The following MIGA2 variants were observed in gnomAD, a reference collection of about 807,000 sequenced individuals.
The protein encoded by MIGA2 is family with sequence similarity 73, member B.
Under a neutral mutation model 69.9 loss-of-function variants are expected in MIGA2, and 36 were observed. That is an observed-to-expected ratio of 0.52 (90% CI 0.39 to 0.68). The LOEUF is 0.68. Ranked by LOEUF, MIGA2 falls within the 30% of genes least tolerant of loss-of-function variation. The probability of loss-of-function intolerance (pLI) is 0.00; values close to 1 mark genes in which losing one functional copy is unlikely to be tolerated. For missense variants in MIGA2, 660 were observed against 787.7 expected, an observed-to-expected ratio of 0.84 and a Z score of 1.94; for synonymous variants, 333 against 349.2, an observed-to-expected ratio of 0.95 and a Z score of 0.52.
intron 9 of MIGA2, among the ~76,000 whole-genome samples, chr9:129,062,510 C>G (rs1846117456): frequency 8.3e-6 from 1 of 120,818 alleles, no homozygotes; most frequent in Admixed American, 1.0e-4. Flanking sequence ...CTAGCCTGGG[C>G]AACAGAGCGA....
chr9:129,045,683 G>A (rs1394852126), intron 3 of MIGA2, among the ~76,000 whole-genome samples: 1 of 151,832 alleles, frequency 6.6e-6, no homozygotes, highest in Non-Finnish European at 1.5e-5. Context: ...GGAGGCAGGA[G>A]GATTGTTTGA....
chr9:129,042,448 G>A lies in MIGA2; in HGVS notation c.241G>A (p.Gly81Arg), dbSNP rs766813169. The change falls in exon 3 of 16, where the codon GGG becomes AGG. Residue 81 changes from glycine (G) to arginine (R), a missense_variant. This residue lies in a region of MIGA2 where 386 missense variants were observed against 402.0 expected (regional missense o/e 0.96). Coordinates refer to ENST00000684074, the MANE Select transcript of MIGA2 (RefSeq NM_001329990.2). ...RKKQVGPEMG[G>R]EQLGTVPLPI... is the part of the protein sequence containing the mutation. ...GAAGCAGGTTGGTCCCGAGATGGGA[G>A]GGGAGCAGCTGGGCACGGTGCCCCT... The A allele has an allele frequency of 5.0e-6, 8 of 1,610,994 alleles. No individual in the cohort carries two copies. The highest frequency in any genetic ancestry group is 3.4e-5 in the Admixed American group (2 of 59,642).
Position 129,040,589 on chromosome 9 carries a change from C to T in MIGA2, c.-6C>T, listed in dbSNP as rs1176588922. ...TGAGGACTTTGCCTGGGGCATTGGCCCTGCCATGGCGTTCCGGAGGGCCGA... is the reference window on the plus strand; with the variant it reads ...TGAGGACTTTGCCTGGGGCATTGGCTCTGCCATGGCGTTCCGGAGGGCCGA... On this transcript the variant is annotated 5_prime_UTR_variant, in exon 2 of 16. Transcript: ENST00000684074. The T allele has an allele frequency of 1.2e-6, 2 of 1,609,246 alleles. No homozygotes were observed. Among genetic ancestry groups the T allele is most frequent in the Non-Finnish European group, 1.7e-6 (2 of 1,176,716 alleles).
chr9:129,051,948 CTG>C (rs760268895), intron 6 of MIGA2, among the ~76,000 whole-genome samples: 6 of 151,940 alleles, frequency 3.9e-5, no homozygotes, highest in Non-Finnish European at 7.4e-5. Flanking sequence ...GCCTCAGCCT[CTG>C]GAGTAGCTGG....
At chr9:129,039,105 C>T (rs1476078758) in intron 1 of MIGA2, among the ~76,000 whole-genome samples, 1 of 149,834 alleles carries the variant, frequency 6.7e-6, no homozygotes, top group East Asian at 2.0e-4. Context: ...TCACAAAATT[C>T]TAATGATTCA....
chr9:129,043,785 C>T (rs1339082879), intron 3 of MIGA2, among the ~76,000 whole-genome samples: 6 of 152,040 alleles, frequency 3.9e-5, no homozygotes, highest in Non-Finnish European at 5.9e-5. Context: ...ACTGCAACCT[C>T]TGCATCCCGG....
chr9:129,069,239 C>A lies in MIGA2; in HGVS notation c.1458+110C>A. ...TGGGCCACTTGGCCTTCACCGCTCA[C>A]AGTCCTGGCCCCCTTGTTCCGCCGT... is the stretch of plus-strand genomic sequence containing the variant. On this transcript the variant is annotated intron_variant, in intron 14 of 15. Coordinates refer to ENST00000684074, the MANE Select transcript of MIGA2 (RefSeq NM_001329990.2). The surrounding 1 kb of genome is among the most constrained non-coding windows in gnomAD (Gnocchi z 4.9). 7.4e-7 allele frequency: 1 copy of A among 1,348,502 alleles called. No individual in the cohort carries two copies. The highest frequency in any genetic ancestry group is 1.1e-6 in the Non-Finnish European group (1 of 950,520). The allele number at this position is 1,348,502 out of a possible 1,614,324, so 83.5% of individuals were successfully genotyped here.
chr9:129,044,563 T>C (rs1022707851), intron 3 of MIGA2, among the ~76,000 whole-genome samples: 1 of 151,528 alleles, frequency 6.6e-6, no homozygotes, highest in African/African-American at 2.4e-5. Flanking sequence ...GGGAGACTTG[T>C]TTTTTTTGAA....
chr9:129,067,135 CAAA>C (rs774512522), intron 11 of MIGA2, among the ~76,000 whole-genome samples: 3 of 52,010 alleles, frequency 5.8e-5, no homozygotes, highest in Non-Finnish European at 3.9e-5. Flanking sequence ...GACTCCATCT[CAAA>C]AAAAAAAAAA....
intron 6 of MIGA2, among the ~76,000 whole-genome samples, chr9:129,052,993 A>G (rs989604611): frequency 2.6e-5 from 4 of 152,332 alleles, no homozygotes; most frequent in East Asian, 1.9e-4. Context: ...GCTAAAAACT[A>G]TATCTGAAAA....
rs977053716 is a variant in MIGA2 at position 129,060,852 on chromosome 9, G to A, written c.894+202G>A. ...GGCTGTTGTCCTGTGGGTGAGAGCA[G>A]GGGTTCCACCCCGAAGGGCTCCAGC... On this transcript the variant is annotated intron_variant, in intron 8 of 15. Transcript: ENST00000684074. The surrounding 1 kb of genome is among the most constrained non-coding windows in gnomAD (Gnocchi z 4.8). 6.6e-6 allele frequency among the ~76,000 whole-genome samples: 1 copy of A among 152,218 alleles called. No homozygotes were observed. Among genetic ancestry groups the A allele is most frequent in the African/African-American group, 2.4e-5 (1 of 41,464 alleles).
At chr9:129,048,746 G>A (rs367758191) in intron 4 of MIGA2, among the ~76,000 whole-genome samples, 1 of 152,194 alleles carries the variant, frequency 6.6e-6, no homozygotes, top group South Asian at 2.1e-4. Context: ...GCAGAGGAGA[G>A]AAACTGATGG....
intron 2 of MIGA2, 123 bp downstream of exon 2, chr9:129,040,813 C>T (rs569169396): frequency 1.1e-4 from 86 of 776,010 alleles, no homozygotes; most frequent in African/African-American, 1.1e-3. Context: ...GGTGTCTCCT[C>T]TTTGGACTGG....
chr9:129,040,502 G>T lies in MIGA2; in HGVS notation c.-93G>T. 6.7e-7 allele frequency: 1 copy of T among 1,494,416 alleles called. No individual in the cohort carries two copies. The highest frequency in any genetic ancestry group is 9.0e-7 in the Non-Finnish European group (1 of 1,112,122). 92.6% of individuals were successfully genotyped at this position (1,494,416 alleles called of 1,614,324 possible). On this transcript the variant is annotated 5_prime_UTR_variant, in exon 2 of 16. Transcript: ENST00000684074. ...TGTGTCCCTGTCCTTCTGGGGCGTG[G>T]ATGGTGCCTGGGACCCAGCTGGCAA...
intron 11 of MIGA2, among the ~76,000 whole-genome samples, chr9:129,064,087 C>T (rs1846208904): frequency 6.6e-6 from 1 of 152,192 alleles, no homozygotes; most frequent in Admixed American, 6.5e-5. Flanking sequence ...AGAAGCCCGG[C>T]AGATATTGCT....
intron 6 of MIGA2, chr9:129,051,233 A>G (rs1845514511): frequency 6.1e-6 from 1 of 165,258 alleles, no homozygotes; most frequent in Admixed American, 6.6e-5. Flanking sequence ...TTTGGGCAAC[A>G]TCCAAGTTTT....
chr9:129,070,099 G>A lies in MIGA2; in HGVS notation c.1575+134G>A, dbSNP rs940933957. Reference sequence around the variant, plus strand: ...AGAGGGCAGAGCCAGACCCACATGGGTCCAGAGGAAGCAGTGGGAGGGAGG... The same window carrying A: ...AGAGGGCAGAGCCAGACCCACATGGATCCAGAGGAAGCAGTGGGAGGGAGG... On this transcript the variant is annotated intron_variant, in intron 15 of 15. Coordinates refer to ENST00000684074, the MANE Select transcript of MIGA2 (RefSeq NM_001329990.2). 4.1e-6 allele frequency: 5 copies of A among 1,234,140 alleles called. No individual in the cohort carries two copies. In the Admixed American group the frequency reaches 5.8e-5, roughly 14 times the overall value. 76.4% of individuals were successfully genotyped at this position (1,234,140 alleles called of 1,614,324 possible).
At position 129,068,984 on chromosome 9, in the gene MIGA2, G is replaced by T. The variant is rs1001353771; in HGVS notation, c.1405-92G>T. ...TTCCTGCTTGGAGTGGGGTGAGCTGGGTTTAAGGGCTTGGTGCTGGGCTGG... is the reference window on the plus strand; with the variant it reads ...TTCCTGCTTGGAGTGGGGTGAGCTGTGTTTAAGGGCTTGGTGCTGGGCTGG... On this transcript the variant is annotated intron_variant, in intron 13 of 15. Coordinates refer to ENST00000684074, the MANE Select transcript of MIGA2 (RefSeq NM_001329990.2). The surrounding 1 kb of genome is among the most constrained non-coding windows in gnomAD (Gnocchi z 4.1). The T allele has an allele frequency of 2.0e-6, 3 of 1,470,110 alleles. No individual in the cohort carries two copies. Among genetic ancestry groups the T allele is most frequent in the African/African-American group, 2.8e-5 (2 of 72,038 alleles). The allele number at this position is 1,470,110 out of a possible 1,614,324, so 91.1% of individuals were successfully genotyped here. A position where few individuals can be genotyped will look rare whatever the true frequency, so the allele number is the denominator to read the frequency against.
At chr9:129,070,047 G>T in intron 15 of MIGA2, 82 bp downstream of exon 15, 1 of 1,256,418 alleles carries the variant, frequency 8.0e-7, no homozygotes, top group South Asian at 1.4e-5. Context: ...ATGGGATGAG[G>T]GCCTGGGCCT....
Sources: allele counts gnomAD v4.1 joint callset (sites outside exome capture counted in the v4.1 genomes callset), GRCh38; gene constraint gnomAD v4.1.1; regional missense constraint gnomAD v4.1.1; non-coding constraint Gnocchi (gnomAD v3.1); transcripts MANE v1.5; gene names NCBI Gene and HGNC (gene_info 2026-07-23, HGNC 2026-07-21).